The following SYN3 variants were observed in gnomAD, a reference collection of about 807,000 sequenced individuals.
SYN3 encodes the protein synapsin III.
A neutral mutation model predicts 65.8 loss-of-function variants in SYN3; 35 were observed. The observed-to-expected ratio is 0.53, with a 90% CI of 0.41 to 0.70. The LOEUF (loss-of-function observed/expected upper bound fraction) is 0.70, where lower values mean the gene tolerates loss of function less well. Ranked by LOEUF, SYN3 falls within the 30% of genes least tolerant of loss-of-function variation. The pLI is 0.00. For synonymous variants in SYN3, 270 were observed against 292.9 expected (o/e 0.92, Z 0.80); for missense variants, 680 against 749.0 (o/e 0.91, Z 1.08).
intron 1 of SYN3, among the ~76,000 whole-genome samples, chr22:33,011,729 T>C (rs560326302): frequency 6.6e-6 from 1 of 152,336 alleles, no homozygotes; most frequent in African/African-American, 2.4e-5. Context: ...AAGTTTTTAA[T>C]AATGAATTCA....
intron 1 of SYN3, among the ~76,000 whole-genome samples, chr22:33,052,441 G>A (rs2054184448): frequency 6.6e-6 from 1 of 152,058 alleles, no homozygotes; most frequent in African/African-American, 2.4e-5. Context: ...CTCCTCCGTA[G>A]TACTACGGAC....
chr22:32,870,069 A>C (rs2048808550), intron 4 of SYN3, among the ~76,000 whole-genome samples: 1 of 152,204 alleles, frequency 6.6e-6, no homozygotes, highest in Non-Finnish European at 1.5e-5. Flanking sequence ...AAGTAACACA[A>C]AAAAATCAGC....
chr22:32,583,096 T>C (rs963813811), intron 7 of SYN3, among the ~76,000 whole-genome samples: 7 of 152,178 alleles, frequency 4.6e-5, no homozygotes, highest in Non-Finnish European at 1.0e-4. Flanking sequence ...GGTCTGCCGC[T>C]AGTGTCCTAT....
intron 6 of SYN3, among the ~76,000 whole-genome samples, chr22:32,676,541 T>C (rs1412007459): frequency 3.2e-5 from 4 of 124,362 alleles, no homozygotes; most frequent in Non-Finnish European, 5.0e-5. Context: ...TTTTTTTTTT[T>C]TTTTTTTTTT....
chr22:32,981,572 GA>G (rs2052375136), intron 2 of SYN3, among the ~76,000 whole-genome samples: 1 of 151,512 alleles, frequency 6.6e-6, no homozygotes, highest in African/African-American at 2.4e-5. Context: ...CAACAAGAGC[GA>G]AACTCAGTCT....
intron 1 of SYN3, among the ~76,000 whole-genome samples, chr22:33,049,072 A>G (rs1388875946): frequency 1.3e-5 from 2 of 152,194 alleles, no homozygotes; most frequent in South Asian, 2.1e-4. Flanking sequence ...GTATAATGCA[A>G]CTTTCTGACC....
chr22:32,953,081 CACA>C (rs1282282261), intron 3 of SYN3, among the ~76,000 whole-genome samples: 1 of 152,196 alleles, frequency 6.6e-6, no homozygotes, highest in Non-Finnish European at 1.5e-5. Context: ...ATTTGATTAT[CACA>C]ACAACATTGA....
chr22:32,585,968 A>ATG lies in SYN3; in HGVS notation c.774+10705_774+10706insCA, dbSNP rs1159926834. On this transcript the variant is annotated intron_variant, in intron 7 of 13. Coordinates refer to ENST00000358763, the MANE Select transcript of SYN3 (RefSeq NM_003490.4). The stretch of plus-strand genomic sequence containing the variant: ...TGTATACATATATGTGTATATACGT[A>ATG]TATATGTATATATGTATGTATACGT... 4.4e-3 allele frequency among the ~76,000 whole-genome samples: 356 copies of ATG among 80,400 alleles called. 1 individual carries two copies. The highest frequency in any genetic ancestry group is 0.022 in the Middle Eastern group (4 of 180). The allele number at this position is 80,400 out of a possible 152,430, so 52.7% of individuals were successfully genotyped here.
At chr22:32,700,460 G>C (rs949627350) in intron 6 of SYN3, among the ~76,000 whole-genome samples, 9 of 152,108 alleles carry the variant, frequency 5.9e-5, no homozygotes, top group Admixed American at 4.6e-4. Flanking sequence ...AATTTGAAAA[G>C]TCTGCCTGGA....
chr22:32,802,767 T>C (rs1307268225), intron 6 of SYN3, among the ~76,000 whole-genome samples: 4 of 152,128 alleles, frequency 2.6e-5, no homozygotes, highest in African/African-American at 9.7e-5. Flanking sequence ...AGAGTGTTGA[T>C]AGCCAGCAGA....
At chr22:32,869,330 T>TTCTCTC (rs59752570) in intron 4 of SYN3, among the ~76,000 whole-genome samples, 1,798 of 120,972 alleles carry the variant, frequency 0.015, 24 homozygotes, top group Admixed American at 0.037. Context: ...ACTATATATA[T>TTCTCTC]TCTCTCTCTC....
chr22:32,919,626 G>C (rs1472729765), intron 4 of SYN3, among the ~76,000 whole-genome samples: 2 of 152,206 alleles, frequency 1.3e-5, no homozygotes, highest in Non-Finnish European at 2.9e-5. Context: ...AAATTCTGTT[G>C]AATGAATGGA....
chr22:32,892,332 G>A (rs942461597), intron 4 of SYN3, among the ~76,000 whole-genome samples: 2 of 152,024 alleles, frequency 1.3e-5, no homozygotes, highest in African/African-American at 2.4e-5. Context: ...GCCACCCTGT[G>A]CACAGTCATT....
chr22:32,842,484 G>T (rs1157970345), intron 6 of SYN3, among the ~76,000 whole-genome samples: 2 of 152,132 alleles, frequency 1.3e-5, no homozygotes, highest in Non-Finnish European at 2.9e-5. Context: ...GATCCTGGGG[G>T]GATGAGGAAA....
intron 7 of SYN3, among the ~76,000 whole-genome samples, chr22:32,548,451 C>A (rs968321301): frequency 2.0e-5 from 3 of 152,200 alleles, no homozygotes; most frequent in Non-Finnish European, 4.4e-5. Flanking sequence ...CAGCTCACTG[C>A]AACCTCTGCC....
intron 4 of SYN3, among the ~76,000 whole-genome samples, chr22:32,914,311 A>C (rs2050133250): frequency 6.6e-6 from 1 of 152,246 alleles, no homozygotes; most frequent in Admixed American, 6.5e-5. Flanking sequence ...GATTTAGAAT[A>C]AGCCAGCCTG....
chr22:32,546,361 G>C (rs1471996226), intron 7 of SYN3, among the ~76,000 whole-genome samples: 1 of 152,192 alleles, frequency 6.6e-6, no homozygotes, highest in African/African-American at 2.4e-5. Flanking sequence ...GGAAAAACAA[G>C]AGAGTTCCAA....
At chr22:32,728,824 C>T (rs1310218153) in intron 6 of SYN3, among the ~76,000 whole-genome samples, 1 of 152,196 alleles carries the variant, frequency 6.6e-6, no homozygotes, top group African/African-American at 2.4e-5. Flanking sequence ...CTCTTGCCCT[C>T]ATGGGTTGAA....
intron 6 of SYN3, among the ~76,000 whole-genome samples, chr22:32,754,714 T>C (rs1408903451): frequency 6.6e-6 from 1 of 152,256 alleles, no homozygotes; most frequent in Admixed American, 6.5e-5. Flanking sequence ...CATACAGTCC[T>C]ACACCTTGAT....
Sources: gnomAD v4.1 joint callset for allele counts (sites outside exome capture counted in the v4.1 genomes callset) on GRCh38, gnomAD v4.1.1 for gene constraint, MANE v1.5 for transcripts, NCBI Gene and HGNC (gene_info 2026-07-23, HGNC 2026-07-21) for gene names.